Variants in SMIM19 observed in about 807,000 individuals in gnomAD.
SMIM19 encodes the protein UPF0697 protein C8orf40.
Under a neutral mutation model 13.2 loss-of-function variants are expected in SMIM19, and 6 were observed. The ratio of observed to expected loss-of-function variants is 0.45; its 90% confidence interval spans 0.25 to 0.90. The LOEUF is 0.90. SMIM19 is among the 40% of genes least tolerant of loss of function. The pLI, the probability that SMIM19 is intolerant of heterozygous loss-of-function variation, is 0.19. For missense variants in SMIM19, 138 were observed against 131.0 expected (o/e 1.05, Z -0.26); for synonymous variants, 46 against 43.1 (o/e 1.07, Z -0.27).
At chr8:42,546,361 AGGT>A (rs1813482293) in intron 1 of SMIM19, 105 bp from the exon 2 acceptor site, 7 of 1,293,950 alleles carry the variant, frequency 5.4e-6, no homozygotes, top group Admixed American at 3.1e-5. Context: ...GCACACAAAC[AGGT>A]GGTGGACTGG....
chr8:42,545,864 C>G (rs984445152), intron 1 of SMIM19, among the ~76,000 whole-genome samples: 1 of 152,180 alleles, frequency 6.6e-6, no homozygotes, highest in Non-Finnish European at 1.5e-5. Flanking sequence ...TTACTTTCCT[C>G]TGGGTGTTAC....
chr8:42,542,739 T>C (rs1813298109), intron 1 of SMIM19, among the ~76,000 whole-genome samples: 1 of 151,878 alleles, frequency 6.6e-6, no homozygotes. Context: ...GGCGGGCGGA[T>C]TGCCTGAGCT....
At chr8:42,548,056 G>A (rs1326270522) in intron 2 of SMIM19, among the ~76,000 whole-genome samples, 1 of 152,178 alleles carries the variant, frequency 6.6e-6, no homozygotes, top group Non-Finnish European at 1.5e-5. Flanking sequence ...TGGCCTGTTG[G>A]CTGCTGAACT....
chr8:42,551,172 G>T (rs569673989), intron 3 of SMIM19, among the ~76,000 whole-genome samples: 2 of 152,150 alleles, frequency 1.3e-5, no homozygotes, highest in East Asian at 3.9e-4. Flanking sequence ...TAAAAAATTA[G>T]CAGGGCATGA....
chr8:42,541,601 CA>C lies in SMIM19; in HGVS notation c.-776del, dbSNP rs900646322. ...GGAAATGACGAAGGCAGAGGGCGTCCAGGTCCGCTCGGTAACCGTTTCCCGC... is the reference window on the plus strand; with the variant it reads ...GGAAATGACGAAGGCAGAGGGCGTCCGGTCCGCTCGGTAACCGTTTCCCGC... On this transcript the variant is annotated 5_prime_UTR_variant, in exon 1 of 4. Transcript: ENST00000417410. 4 of 149,648 alleles carry C rather than the reference CA, an allele frequency of 2.7e-5. No individual in the cohort carries two copies. Among genetic ancestry groups the C allele is most frequent in the African/African-American group, 7.3e-5 (3 of 41,116 alleles). The allele number at this position is 149,648 out of a possible 1,614,324, so 9.3% of individuals were successfully genotyped here.
rs988530771 is a variant in SMIM19, at chr8:42,543,225, G to A, written c.-5+852G>A. ...TGCAGTAAGCACGCAGCAGGTGTAT[G>A]TGTGTACACTTGGTTACACTGTGGC... is the stretch of plus-strand genomic sequence containing the variant. On this transcript the variant is annotated intron_variant, in intron 1 of 3. Coordinates refer to ENST00000417410, the MANE Select transcript of SMIM19 (RefSeq NM_001135674.2). 9.8e-5 allele frequency among the ~76,000 whole-genome samples: 15 copies of A among 152,312 alleles called. 1 individual carries two copies. The highest frequency in any genetic ancestry group is 2.1e-4 in the South Asian group (1 of 4,830).
At position 42,554,653 on chromosome 8, in the gene SMIM19, C is replaced by T. The variant is rs1230300436; in HGVS notation, c.*2045C>T. The T allele has an allele frequency of 6.6e-6, 1 of 152,220 alleles. No individual in the cohort carries two copies. Among genetic ancestry groups the T allele is most frequent in the East Asian group, 1.9e-4 (1 of 5,194 alleles). 9.4% of individuals were successfully genotyped at this position (152,220 alleles called of 1,614,324 possible). A position where few individuals can be genotyped will look rare whatever the true frequency, so the allele number is the denominator to read the frequency against. On this transcript the variant is annotated 3_prime_UTR_variant, in exon 4 of 4. Transcript: ENST00000417410. ...CAGCAAGCCGGCTTTGAAGTCTCTT[C>T]CCTGCTTCAACAGCTGAATTGGGGA...
intron 1 of SMIM19, among the ~76,000 whole-genome samples, chr8:42,545,063 A>G (rs1288201209): frequency 6.6e-6 from 1 of 152,260 alleles, no homozygotes; most frequent in Non-Finnish European, 1.5e-5. Flanking sequence ...CAGTGCAACT[A>G]TCACTTATAT....
At chr8:42,547,381 G>A (rs1171760636) in intron 2 of SMIM19, among the ~76,000 whole-genome samples, 3 of 151,266 alleles carry the variant, frequency 2.0e-5, no homozygotes, top group Admixed American at 1.3e-4. Context: ...AAACCCCATC[G>A]CTTTAAGAAA....
At chr8:42,550,797 C>G (rs919546614) in intron 3 of SMIM19, among the ~76,000 whole-genome samples, 2 of 152,126 alleles carry the variant, frequency 1.3e-5, no homozygotes, top group African/African-American at 4.8e-5. Context: ...TGCTTATAAG[C>G]AGTGAGCACA....
At position 42,542,317 on chromosome 8, in the gene SMIM19, G is replaced by A; in HGVS notation, c.-61G>A. The A allele has an allele frequency of 2.7e-6, 1 of 369,492 alleles. No individual in the cohort carries two copies. Among genetic ancestry groups the A allele is most frequent in the Non-Finnish European group, 3.7e-6 (1 of 266,976 alleles). 22.9% of individuals were successfully genotyped at this position (369,492 alleles called of 1,614,324 possible). On this transcript the variant is annotated 5_prime_UTR_variant, in exon 1 of 4. Transcript: ENST00000417410. ...GTTGGGATAATTCAGTGACTCTGTG[G>A]ACTGCCCAGCACCTGTGAATTGCTT... is the stretch of plus-strand genomic sequence containing the variant.
At chr8:42,542,811 T>TA (rs570846971) in intron 1 of SMIM19, among the ~76,000 whole-genome samples, 17,865 of 141,730 alleles carry the variant, frequency 0.13, 2,548 homozygotes, top group African/African-American at 0.36. Context: ...CCCCCGTCTT[T>TA]AAAAAAAAAA....
At chr8:42,551,846 A>G (rs1475248015) in intron 3 of SMIM19, among the ~76,000 whole-genome samples, 4 of 152,162 alleles carry the variant, frequency 2.6e-5, no homozygotes, top group African/African-American at 7.2e-5. Context: ...TGGGAGGCTG[A>G]CGTGGCAGGA....
chr8:42,548,314 A>G (rs1813553464), intron 2 of SMIM19: 3 of 450,460 alleles, frequency 6.7e-6, no homozygotes, highest in Non-Finnish European at 1.4e-5. Context: ...ATTTAGCTTT[A>G]TCTGGATGTC....
rs550609486 is a variant in SMIM19 at position 42,546,274 on chromosome 8, G to A, written c.-4-195G>A. On this transcript the variant is annotated intron_variant, in intron 1 of 3. Transcript: ENST00000417410. The stretch of plus-strand genomic sequence containing the variant: ...TGGTTGATTATGTGGATGCAGAACC[G>A]TCAGATAGAGAGGGCCAACTGCACC... 4.6e-5 allele frequency among the ~76,000 whole-genome samples: 7 copies of A among 152,290 alleles called. No homozygotes were observed. The South Asian group carries it at 8.3e-4, about 18-fold the overall frequency.
At chr8:42,547,401 A>T (rs1813527010) in intron 2 of SMIM19, among the ~76,000 whole-genome samples, 1 of 152,020 alleles carries the variant, frequency 6.6e-6, no homozygotes, top group Non-Finnish European at 1.5e-5. Flanking sequence ...ATGAAGAGTT[A>T]AGTACCACTC....
intron 2 of SMIM19, among the ~76,000 whole-genome samples, chr8:42,547,958 T>A (rs893482887): frequency 6.6e-6 from 1 of 152,160 alleles, no homozygotes; most frequent in African/African-American, 2.4e-5. Flanking sequence ...AGGTAATTAG[T>A]AATCCAGAAA....
At position 42,546,492 on chromosome 8, in the gene SMIM19, T is replaced by A; in HGVS notation, c.20T>A (p.Val7Glu). 1 of 1,612,824 alleles carries A rather than the reference T, an allele frequency of 6.2e-7. No homozygotes were observed. The highest frequency in any genetic ancestry group is 8.5e-7 in the Non-Finnish European group (1 of 1,179,694). MAGGYG[V>E]MGDDGSIDYT... ...AGCCCCATGGCTGGGGGTTATGGAG[T>A]GATGGGTGACGATGGTTCTATTGAT... Residue 7 changes from valine to glutamate, a missense_variant, in exon 2 of 4, where the codon GTG (valine) becomes GAG (glutamate). Val to Glu is a moderately radical substitution (Grantham distance 121). Transcript: ENST00000417410.
chr8:42,551,971 A>G (rs970298601), intron 3 of SMIM19, among the ~76,000 whole-genome samples: 5 of 152,164 alleles, frequency 3.3e-5, no homozygotes, highest in Non-Finnish European at 5.9e-5. Flanking sequence ...TGAAATTTTA[A>G]TAGCTTAATG....
Sources: gnomAD v4.1 joint callset for allele counts (sites outside exome capture counted in the v4.1 genomes callset) on GRCh38, gnomAD v4.1.1 for gene constraint, MANE v1.5 for transcripts, NCBI Gene and HGNC (gene_info 2026-07-23, HGNC 2026-07-21) for gene names.